DHX57: variants seen among roughly 807,000 people sequenced by gnomAD.
DHX57 encodes DExH-box helicase 57, also known as putative ATP-dependent RNA helicase DHX57.
DHX57 carries 105 observed loss-of-function variants against 156.2 expected under a neutral mutation model. That is an observed-to-expected ratio of 0.67 (90% CI 0.57 to 0.79). The LOEUF is 0.79. DHX57 is among the 30% of genes least tolerant of loss of function. The pLI, the probability that DHX57 is intolerant of heterozygous loss-of-function variation, is 0.00. For missense variants in DHX57, 1,847 were observed against 1,661.9 expected, an observed-to-expected ratio of 1.11 and a Z score of -1.94; for synonymous variants, 704 against 595.6, an observed-to-expected ratio of 1.18 and a Z score of -2.65.
chr2:38,837,842 G>C lies in DHX57; in HGVS notation c.2531C>G (p.Ser844Cys). The C allele has an allele frequency of 1.3e-6, 2 of 1,598,564 alleles. No individual in the cohort carries two copies. Among genetic ancestry groups the C allele is most frequent in the Non-Finnish European group, 1.7e-6 (2 of 1,166,084 alleles). ...LLEWIVDGKH[S>C]YPPGAILVFL... Reference sequence around the variant, plus strand: ...AAAGAAGCAGTTACCTGGAGGGTAGGAGTGCTTTCCATCCACAATCCACTC... The same window carrying C: ...AAAGAAGCAGTTACCTGGAGGGTAGCAGTGCTTTCCATCCACAATCCACTC... Residue 844 changes from serine to cysteine, a missense_variant, in exon 13 of 24, where the codon TCC (serine) becomes TGC (cysteine). By Grantham distance (112) the Ser-to-Cys change is moderately radical. Transcript: ENST00000457308.
At chr2:38,861,951 T>A in intron 4 of DHX57, 114 bp from the exon 5 acceptor site, 1 of 1,283,558 alleles carries the variant, frequency 7.8e-7, no homozygotes, top group Non-Finnish European at 1.1e-6. Context: ...AGGCAGGGCT[T>A]GTATTTTGAA....
chr2:38,813,891 T>G lies in DHX57; in HGVS notation c.3611A>C (p.Asn1204Thr). 6.2e-7 allele frequency: 1 copy of G among 1,612,958 alleles called. No individual in the cohort carries two copies. The highest frequency in any genetic ancestry group is 8.5e-7 in the Non-Finnish European group (1 of 1,179,250). ...CAGCTTGGGGTTCTCAGCATTTGAGTTTGCCTATGAGAAAAGCACAGCATT... is the reference window on the plus strand; with the variant it reads ...CAGCTTGGGGTTCTCAGCATTTGAGGTTGCCTATGAGAAAAGCACAGCATT... ...GVLDATGEEA[N>T]SNAENPKLIS... The change falls in exon 21 of 24, where the codon AAC becomes ACC. Residue 1204 changes from asparagine to threonine, a missense_variant. Coordinates refer to ENST00000457308, the MANE Select transcript of DHX57 (RefSeq NM_198963.3).
rs909110351 is a variant in DHX57 at position 38,807,865 on chromosome 2, C to T, written c.3682-1172G>A. 4.6e-4 allele frequency among the ~76,000 whole-genome samples: 69 copies of T among 149,738 alleles called. 1 individual carries two copies. In the Middle Eastern group the frequency reaches 0.01, roughly 23 times the overall value. On this transcript the variant is annotated intron_variant, in intron 21 of 23. Transcript: ENST00000457308. ...TTCTCCATGTTGGTCAGGCTGGTCT[C>T]GAACTCCTGACCTCAGGTGATCTAC...
intron 12 of DHX57, among the ~76,000 whole-genome samples, chr2:38,841,510 A>G (rs924268207): frequency 2.0e-5 from 3 of 152,236 alleles, no homozygotes; most frequent in Non-Finnish European, 2.9e-5. Flanking sequence ...ATAATGGCTA[A>G]TATCTTAATT....
intron 23 of DHX57, among the ~76,000 whole-genome samples, chr2:38,800,075 C>T (rs1008651698): frequency 2.6e-5 from 4 of 151,274 alleles, no homozygotes; most frequent in Non-Finnish European, 4.4e-5. Context: ...ATCCCAGCTA[C>T]TTGGGAGGGT....
At chr2:38,853,357 A>C (rs1339685635) in intron 9 of DHX57, 3 of 152,126 alleles carry the variant, frequency 2.0e-5, no homozygotes. Flanking sequence ...TCCTGAGCTC[A>C]AGCGATCCTC....
chr2:38,819,124 T>G lies in DHX57; in HGVS notation c.3312A>C (p.Lys1104Asn). The change falls in exon 18 of 24, where the codon AAA (lysine) becomes AAC (asparagine). Residue 1104 changes from lysine (K) to asparagine (N), a missense_variant. Physicochemically the swap from Lys to Asn is moderately conservative, Grantham distance 94. Coordinates refer to ENST00000457308, the MANE Select transcript of DHX57 (RefSeq NM_198963.3). ...CCAGCTTTTTCTGGTTAGCTTCTTCTTTTTTATCCCAGGGAGATACCTAAA... is the reference window on the plus strand; with the variant it reads ...CCAGCTTTTTCTGGTTAGCTTCTTCGTTTTTATCCCAGGGAGATACCTAAA... ...KSPFVSPWDKKEEANQKKLEF... is the reference protein window; with the variant it reads ...KSPFVSPWDKNEEANQKKLEF... 1 of 1,614,104 alleles carries G rather than the reference T, an allele frequency of 6.2e-7. No individual in the cohort carries two copies. Among genetic ancestry groups the G allele is most frequent in the Non-Finnish European group, 8.5e-7 (1 of 1,180,030 alleles).
intron 12 of DHX57, chr2:38,838,642 T>C: frequency 6.3e-6 from 2 of 319,898 alleles, no homozygotes; most frequent in South Asian, 2.4e-5. Flanking sequence ...GAATGAGATA[T>C]GCTGGAAGTC....
At chr2:38,832,981 CTTT>C (rs773309488) in intron 13 of DHX57, among the ~76,000 whole-genome samples, 1 of 99,592 alleles carries the variant, frequency 1.0e-5, no homozygotes. Context: ...AATGTCTATT[CTTT>C]TTTTTTTTTT....
rs1669932568 is a variant in DHX57 at position 38,806,300 on chromosome 2, T to C, written c.3816+259A>G. ...TGATGTAATTAGCTCATGACTTCAA[T>C]TACCATTGCAAAGAAACAATTTTAT... On this transcript the variant is annotated intron_variant, in intron 22 of 23. Coordinates refer to ENST00000457308, the MANE Select transcript of DHX57 (RefSeq NM_198963.3). 7.4e-6 allele frequency: 3 copies of C among 404,902 alleles called. No individual in the cohort carries two copies. In the Admixed American group the frequency reaches 1.3e-4, roughly 17 times the overall value. The allele number at this position is 404,902 out of a possible 1,614,324, so 25.1% of individuals were successfully genotyped here.
At chr2:38,819,244 A>T in intron 17 of DHX57, 100 bp from the exon 18 acceptor site, 1 of 1,030,340 alleles carries the variant, frequency 9.7e-7, no homozygotes, top group Non-Finnish European at 1.5e-6. Flanking sequence ...GTGCGATCAT[A>T]GCCCACTGCA....
In DHX57 at chr2:38,855,074, G is replaced by A. The variant is rs762931293; in HGVS notation, c.1888C>T (p.Arg630Trp). The change falls in exon 8 of 24, where the codon CGG (arginine) becomes TGG (tryptophan). Residue 630 changes from arginine (R) to tryptophan (W), a missense_variant. Coordinates refer to ENST00000457308, the MANE Select transcript of DHX57 (RefSeq NM_198963.3). ...ATACAAACCTTGACACTTTCTAACC[G>A]AATCTGGTATCCCACGGTCAGACCC... ...RVGLTVGYQIRLESVKSSATR... is the reference protein window; with the variant it reads ...RVGLTVGYQIWLESVKSSATR... 14 of 1,613,842 alleles carry A rather than the reference G, an allele frequency of 8.7e-6. No individual in the cohort carries two copies. Among genetic ancestry groups the A allele is most frequent in the Admixed American group, 1.7e-5 (1 of 59,980 alleles).
intron 21 of DHX57, 67 bp from the exon 22 acceptor site, chr2:38,806,760 C>T (rs1669958762): frequency 6.8e-7 from 1 of 1,465,632 alleles, no homozygotes; most frequent in Admixed American, 2.0e-5. Flanking sequence ...TATCTCTTGG[C>T]ACAAAAGCAC....
At chr2:38,810,905 C>T (rs147037289) in intron 21 of DHX57, 7 of 796,608 alleles carry the variant, frequency 8.8e-6, no homozygotes, top group African/African-American at 3.4e-5. Flanking sequence ...TGCTTGCCTG[C>T]GACTTCATTC....
Position 38,847,175 on chromosome 2 carries a change from C to CT in DHX57, c.2165-103_2165-102insA, listed in dbSNP as rs1672332457. On this transcript the variant is annotated intron_variant, in intron 10 of 23. Coordinates refer to ENST00000457308, the MANE Select transcript of DHX57 (RefSeq NM_198963.3). ...ATTCTCTTAAAGCTTGTCATGCTAA[C>CT]GTCCTATTTGTTCTGTGGTCTTAAA... is the stretch of plus-strand genomic sequence containing the variant. 4 of 922,738 alleles carry CT rather than the reference C, an allele frequency of 4.3e-6. No homozygotes were observed. The African/African-American group carries it at 6.8e-5, about 16-fold the overall frequency. The allele number at this position is 922,738 out of a possible 1,614,324, so 57.2% of individuals were successfully genotyped here. A position where few individuals can be genotyped will look rare whatever the true frequency, so the allele number is the denominator to read the frequency against.
chr2:38,841,357 A>G (rs1010865310), intron 12 of DHX57, among the ~76,000 whole-genome samples: 1 of 152,248 alleles, frequency 6.6e-6, no homozygotes, highest in Non-Finnish European at 1.5e-5. Flanking sequence ...CTTGCTCAAG[A>G]TCATTAGCTG....
chr2:38,857,681 A>G (rs1402041551), intron 6 of DHX57, among the ~76,000 whole-genome samples: 13 of 152,214 alleles, frequency 8.5e-5, no homozygotes, highest in Admixed American at 8.5e-4. Flanking sequence ...CCTCTGTCCT[A>G]TCTCTAACTT....
At chr2:38,845,908 C>G (rs1049677847) in intron 11 of DHX57, among the ~76,000 whole-genome samples, 29 of 150,816 alleles carry the variant, frequency 1.9e-4, no homozygotes, top group Admixed American at 4.0e-4. Flanking sequence ...CTCTGCCGCC[C>G]AGGCTGGAGT....
chr2:38,834,817 G>A (rs56350535), intron 13 of DHX57, among the ~76,000 whole-genome samples: 18,446 of 152,202 alleles, frequency 0.12, 1,174 homozygotes, highest in African/African-American at 0.15. Flanking sequence ...AAGAAAAAGA[G>A]ATTTGTGAAG....
Sources: gnomAD v4.1 joint callset for allele counts (sites outside exome capture counted in the v4.1 genomes callset) on GRCh38, gnomAD v4.1.1 for gene constraint, MANE v1.5 for transcripts, NCBI Gene and HGNC (gene_info 2026-07-23, HGNC 2026-07-21) for gene names.